SGCZ: variants seen among roughly 807,000 people sequenced by gnomAD.
SGCZ encodes sarcoglycan zeta, also known as zeta-sarcoglycan.
In SGCZ, 40 loss-of-function variants were observed where a neutral mutation model predicts 41.3. The observed-to-expected ratio is 0.97, with a 90% CI of 0.75 to 1.26. The LOEUF (loss-of-function observed/expected upper bound fraction) is 1.26, where lower values mean the gene tolerates loss of function less well. SGCZ is among the 50% of genes most tolerant of loss of function. The pLI is 0.00. For missense variants in SGCZ, 552 were observed against 369.8 expected (o/e 1.49, Z -4.04); for synonymous variants, 206 against 137.5 (o/e 1.50, Z -3.49).
In SGCZ at chr8:14,599,582, T is replaced by C. The variant is rs147684651; in HGVS notation, c.40-44656A>G. On this transcript the variant is annotated intron_variant, in intron 1 of 7. Coordinates refer to ENST00000382080, the MANE Select transcript of SGCZ (RefSeq NM_139167.4). Reference sequence around the variant, plus strand: ...TCTAATATCTAGCCCCTTCTTGTTCTCCTGGGAGAAAACTGAATAAGGCTG... The same window carrying C: ...TCTAATATCTAGCCCCTTCTTGTTCCCCTGGGAGAAAACTGAATAAGGCTG... 9.3e-4 allele frequency among the ~76,000 whole-genome samples: 142 copies of C among 152,312 alleles called. 1 individual carries two copies. The highest frequency in any genetic ancestry group is 1.7e-3 in the Non-Finnish European group (113 of 68,026).
chr8:14,798,882 T>A (rs967788691), intron 1 of SGCZ, among the ~76,000 whole-genome samples: 1 of 151,656 alleles, frequency 6.6e-6, no homozygotes, highest in Non-Finnish European at 1.5e-5. Context: ...GGGAATAAAA[T>A]GCTTTTTAAT....
intron 1 of SGCZ, among the ~76,000 whole-genome samples, chr8:14,786,713 A>G (rs995263325): frequency 2.0e-5 from 3 of 152,148 alleles, no homozygotes; most frequent in African/African-American, 7.2e-5. Context: ...TTTTAGAATT[A>G]CAAATATCTA....
intron 1 of SGCZ, among the ~76,000 whole-genome samples, chr8:14,730,935 C>T (rs1232552736): frequency 6.6e-6 from 1 of 151,718 alleles, no homozygotes; most frequent in African/African-American, 2.4e-5. Context: ...ACGCTGTTGG[C>T]AGGAGTGTAA....
chr8:14,889,793 A>C (rs1804943383), intron 1 of SGCZ, among the ~76,000 whole-genome samples: 1 of 152,154 alleles, frequency 6.6e-6, no homozygotes, highest in Non-Finnish European at 1.5e-5. Flanking sequence ...TTTATTTTAC[A>C]ATATTGCATA....
chr8:14,626,133 G>A (rs1806445963), intron 1 of SGCZ, among the ~76,000 whole-genome samples: 1 of 151,990 alleles, frequency 6.6e-6, no homozygotes, highest in African/African-American at 2.4e-5. Flanking sequence ...CTATCTCTCA[G>A]TCTTTTTGTT....
intron 1 of SGCZ, among the ~76,000 whole-genome samples, chr8:14,782,932 A>T (rs534675999): frequency 3.9e-4 from 60 of 152,284 alleles, no homozygotes; most frequent in African/African-American, 1.4e-3. Flanking sequence ...TTTTTATTAC[A>T]TGCTGTTTGG....
At chr8:14,813,166 G>T (rs1302858462) in intron 1 of SGCZ, among the ~76,000 whole-genome samples, 2 of 152,144 alleles carry the variant, frequency 1.3e-5, no homozygotes. Flanking sequence ...GTTCAAAAAC[G>T]ATGAAGATTT....
chr8:14,311,726 T>C (rs1197082433), intron 3 of SGCZ, among the ~76,000 whole-genome samples: 1 of 152,188 alleles, frequency 6.6e-6, no homozygotes, highest in Non-Finnish European at 1.5e-5. Context: ...TTTTCAAAGA[T>C]TTAATTTGTA....
Position 15,236,062 on chromosome 8 carries a change from CT to C in SGCZ, c.39+1522del, listed in dbSNP as rs146996073. 3.0e-4 allele frequency among the ~76,000 whole-genome samples: 46 copies of C among 152,336 alleles called. No homozygotes were observed. In the East Asian group the frequency reaches 5.0e-3, roughly 17 times the overall value. Reference sequence around the variant, plus strand: ...TATGATCTTGGCAAAAACACAGAAACTTGTTGGCCAACTTTAAACGAAGCAT... The same window carrying C: ...TATGATCTTGGCAAAAACACAGAAACTGTTGGCCAACTTTAAACGAAGCAT... On this transcript the variant is annotated intron_variant, in intron 1 of 7. Coordinates refer to ENST00000382080, the MANE Select transcript of SGCZ (RefSeq NM_139167.4).
chr8:14,998,888 G>C (rs774439759), intron 1 of SGCZ, among the ~76,000 whole-genome samples: 10 of 152,162 alleles, frequency 6.6e-5, no homozygotes, highest in South Asian at 6.2e-4. Flanking sequence ...GGGTTACTGA[G>C]CCAAAGAGGA....
rs538275058 is a variant in SGCZ at position 14,515,755 on chromosome 8, C to G, written c.234+38977G>C. On this transcript the variant is annotated intron_variant, in intron 2 of 7. Transcript: ENST00000382080. The stretch of plus-strand genomic sequence containing the variant: ...AAGGTGAACACTTTGAATTACACTT[C>G]CAATAATGGTAGCTGAGTGAGCCAA... 7.2e-5 allele frequency among the ~76,000 whole-genome samples: 11 copies of G among 152,166 alleles called. No individual in the cohort carries two copies. The East Asian group carries it at 2.1e-3, about 29-fold the overall frequency.
chr8:14,902,157 C>T (rs1798989904), intron 1 of SGCZ, among the ~76,000 whole-genome samples: 1 of 152,074 alleles, frequency 6.6e-6, no homozygotes, highest in African/African-American at 2.4e-5. Context: ...CGAACAAAAG[C>T]CAGACTTTTC....
intron 4 of SGCZ, among the ~76,000 whole-genome samples, chr8:14,181,888 T>A (rs888598029): frequency 1.3e-5 from 2 of 152,184 alleles, no homozygotes; most frequent in Non-Finnish European, 2.9e-5. Context: ...ATAGCCCTGA[T>A]AAACACAGTA....
chr8:14,699,580 C>T (rs1346569680), intron 1 of SGCZ, among the ~76,000 whole-genome samples: 2 of 151,800 alleles, frequency 1.3e-5, no homozygotes, highest in Non-Finnish European at 2.9e-5. Flanking sequence ...GGCTACATTT[C>T]CAAAAGCAAT....
At chr8:14,962,989 T>C (rs983135026) in intron 1 of SGCZ, among the ~76,000 whole-genome samples, 35 of 152,158 alleles carry the variant, frequency 2.3e-4, no homozygotes, top group Non-Finnish European at 2.5e-4. Flanking sequence ...TAGGCAAAAC[T>C]GAAATAGGAG....
At chr8:14,603,232 A>G (rs1805649375) in intron 1 of SGCZ, among the ~76,000 whole-genome samples, 3 of 152,232 alleles carry the variant, frequency 2.0e-5, no homozygotes, top group Admixed American at 6.5e-5. Flanking sequence ...GGCCTTGAAA[A>G]TTAAAGTCAC....
intron 1 of SGCZ, among the ~76,000 whole-genome samples, chr8:14,803,526 T>TA (rs1412838408): frequency 6.6e-6 from 1 of 152,076 alleles, no homozygotes; most frequent in African/African-American, 2.4e-5. Context: ...CCGATGGGCT[T>TA]AAAAAACGGC....
chr8:14,222,792 A>ATTTTTTTTTTTTTTTTTTT (rs775444301), intron 4 of SGCZ, among the ~76,000 whole-genome samples: 2 of 48,854 alleles, frequency 4.1e-5, no homozygotes, highest in African/African-American at 1.8e-4. Context: ...AGTCACAGTG[A>ATTTTTTTTTTTTTTTTTTT]TTTTTTTTTT....
intron 1 of SGCZ, among the ~76,000 whole-genome samples, chr8:14,795,416 T>C (rs975492538): frequency 1.4e-5 from 2 of 140,720 alleles, no homozygotes; most frequent in Non-Finnish European, 3.2e-5. Flanking sequence ...GTAAATATAT[T>C]CATACTTTGG....
Sources: allele counts gnomAD v4.1 joint callset (sites outside exome capture counted in the v4.1 genomes callset), GRCh38; gene constraint gnomAD v4.1.1; transcripts MANE v1.5; gene names NCBI Gene and HGNC (gene_info 2026-07-23, HGNC 2026-07-21).